The following PRKCA variants were observed in gnomAD, a reference collection of about 807,000 sequenced individuals.
PRKCA encodes protein kinase C alpha, also known as protein kinase C alpha type.
PRKCA carries 27 observed loss-of-function variants against 87.0 expected under a neutral mutation model. That is an observed-to-expected ratio of 0.31 (90% CI 0.23 to 0.43). The LOEUF (loss-of-function observed/expected upper bound fraction) is 0.43, where lower values mean the gene tolerates loss of function less well. Among genes scored for constraint, PRKCA ranks in the 20% least tolerant of loss-of-function variants. The pLI, the probability that PRKCA is intolerant of heterozygous loss-of-function variation, is 1.00. For missense variants in PRKCA, 518 were observed against 852.3 expected (o/e 0.61, Z 4.88); for synonymous variants, 329 against 311.1 (o/e 1.06, Z -0.61).
chr17:66,643,986 T>C (rs1971383663), intron 4 of PRKCA, among the ~76,000 whole-genome samples: 1 of 152,206 alleles, frequency 6.6e-6, no homozygotes, highest in Non-Finnish European at 1.5e-5. Context: ...TCCCGTCCCC[T>C]CCCCGTTGCC....
At chr17:66,654,048 C>T (rs1294546161) in intron 5 of PRKCA, among the ~76,000 whole-genome samples, 1 of 152,198 alleles carries the variant, frequency 6.6e-6, no homozygotes, top group Non-Finnish European at 1.5e-5. Context: ...ACTGGGTCCT[C>T]TCTTTTGTAG....
intron 13 of PRKCA, among the ~76,000 whole-genome samples, chr17:66,763,348 C>T (rs180949483): frequency 3.9e-5 from 6 of 152,274 alleles, no homozygotes; most frequent in Admixed American, 3.9e-4. Flanking sequence ...GACAAAGGCT[C>T]CAGGAGTTGT....
intron 5 of PRKCA, among the ~76,000 whole-genome samples, chr17:66,661,895 A>C (rs1453511032): frequency 6.6e-6 from 1 of 152,136 alleles, no homozygotes; most frequent in Admixed American, 6.5e-5. Context: ...GGCCTTAAAC[A>C]ACCTTCCCCT....
intron 2 of PRKCA, among the ~76,000 whole-genome samples, chr17:66,431,338 C>T (rs1239700924): frequency 6.6e-6 from 1 of 152,138 alleles, no homozygotes; most frequent in Admixed American, 6.5e-5. Flanking sequence ...GCAGCTGTGC[C>T]GGACAATAGT....
intron 5 of PRKCA, 82 bp downstream of exon 5, chr17:66,645,593 T>G: frequency 6.4e-7 from 1 of 1,570,816 alleles, no homozygotes; most frequent in Non-Finnish European, 8.7e-7. Context: ...GGGTGGGGGC[T>G]GGGCTGGATG....
At chr17:66,358,863 C>T (rs1908221799) in intron 2 of PRKCA, among the ~76,000 whole-genome samples, 1 of 151,686 alleles carries the variant, frequency 6.6e-6, no homozygotes, top group Non-Finnish European at 1.5e-5. Flanking sequence ...TCTATGGTTA[C>T]ATACGTTGTG....
intron 5 of PRKCA, among the ~76,000 whole-genome samples, chr17:66,648,613 G>C (rs748476738): frequency 7.9e-5 from 12 of 152,158 alleles, no homozygotes; most frequent in Non-Finnish European, 1.6e-4. Flanking sequence ...CCAATGTTAA[G>C]TATGGAAAGT....
chr17:66,491,109 A>G (rs1916225583), intron 2 of PRKCA, among the ~76,000 whole-genome samples: 1 of 152,200 alleles, frequency 6.6e-6, no homozygotes, highest in Admixed American at 6.5e-5. Context: ...TTGTCCCACC[A>G]TGTCATTTGC....
At chr17:66,708,902 T>C (rs1192155830) in intron 8 of PRKCA, among the ~76,000 whole-genome samples, 1 of 152,174 alleles carries the variant, frequency 6.6e-6, no homozygotes, top group Non-Finnish European at 1.5e-5. Flanking sequence ...GTTTTTGGGG[T>C]TGGAACAAAA....
intron 8 of PRKCA, among the ~76,000 whole-genome samples, chr17:66,715,224 T>C (rs888760691): frequency 6.6e-6 from 1 of 151,984 alleles, no homozygotes; most frequent in Admixed American, 6.6e-5. Context: ...TGGAACCTTC[T>C]TCCTTGGGGA....
intron 5 of PRKCA, among the ~76,000 whole-genome samples, chr17:66,651,243 C>T (rs1025751834): frequency 2.6e-5 from 4 of 152,172 alleles, no homozygotes; most frequent in Admixed American, 6.5e-5. Flanking sequence ...TGTTTCTTTC[C>T]ATTTTCAAAG....
chr17:66,635,298 T>C (rs2143767905), intron 3 of PRKCA, among the ~76,000 whole-genome samples: 1 of 152,320 alleles, frequency 6.6e-6, no homozygotes, highest in East Asian at 1.9e-4. Context: ...GGAGACCTAC[T>C]CTTGGGCCAG....
Position 66,794,626 on chromosome 17 carries a change from T to TG in PRKCA, c.1854+5647_1854+5648insG, listed in dbSNP as rs1370148867. ...TTGTTTTTTGGGGGGGGTTTTTTGT[T>TG]TTTTTTTTTTTTGAGACGGAGTTTC... On this transcript the variant is annotated intron_variant, in intron 16 of 16. Coordinates refer to ENST00000413366, the MANE Select transcript of PRKCA (RefSeq NM_002737.3). Among the ~76,000 whole-genome samples the TG allele has an allele frequency of 2.0e-3, 294 of 146,584 alleles. 1 individual carries two copies. The highest frequency in any genetic ancestry group is 6.3e-3 in the African/African-American group (249 of 39,462).
chr17:66,567,402 AGATTGTTGC>A (rs1567903820), intron 3 of PRKCA, among the ~76,000 whole-genome samples: 1 of 151,696 alleles, frequency 6.6e-6, no homozygotes, highest in Non-Finnish European at 1.5e-5. Flanking sequence ...CCCTGCTGGC[AGATTGTTGC>A]TAAGCCGTGG....
intron 2 of PRKCA, among the ~76,000 whole-genome samples, chr17:66,338,247 T>C (rs551532119): frequency 6.6e-6 from 1 of 152,268 alleles, no homozygotes; most frequent in South Asian, 2.1e-4. Context: ...AAACATTGGT[T>C]TTCTTTGGTC....
chr17:66,457,975 C>T (rs1035386342), intron 2 of PRKCA, among the ~76,000 whole-genome samples: 4 of 152,052 alleles, frequency 2.6e-5, no homozygotes, highest in Non-Finnish European at 5.9e-5. Context: ...GCCTGATATC[C>T]TCATGGGCTC....
chr17:66,583,594 C>CAAAAA (rs58515241), intron 3 of PRKCA, among the ~76,000 whole-genome samples: 1 of 133,610 alleles, frequency 7.5e-6, no homozygotes, highest in African/African-American at 2.7e-5. Context: ...TTAAATGAAC[C>CAAAAA]AAAAAAAAAA....
intron 2 of PRKCA, among the ~76,000 whole-genome samples, chr17:66,465,084 A>G (rs1192834813): frequency 6.6e-6 from 1 of 152,206 alleles, no homozygotes; most frequent in South Asian, 2.1e-4. Flanking sequence ...TACCAGTGAC[A>G]TAAGCAATAA....
At chr17:66,497,236 G>A (rs570156998) in intron 3 of PRKCA, among the ~76,000 whole-genome samples, 4 of 152,108 alleles carry the variant, frequency 2.6e-5, no homozygotes, top group Admixed American at 6.5e-5. Context: ...GGTGGCTCAC[G>A]CCTGTAATCC....
Sources: allele counts gnomAD v4.1 joint callset (sites outside exome capture counted in the v4.1 genomes callset), GRCh38; gene constraint gnomAD v4.1.1; transcripts MANE v1.5; gene names NCBI Gene and HGNC (gene_info 2026-07-23, HGNC 2026-07-21).